ZCCHC7: variants seen among roughly 807,000 people sequenced by gnomAD.
ZCCHC7 encodes the protein zinc finger CCHC domain-containing protein 7.
A neutral mutation model predicts 52.0 loss-of-function variants in ZCCHC7; 35 were observed. That is an observed-to-expected ratio of 0.67 (90% CI 0.51 to 0.89). The LOEUF (loss-of-function observed/expected upper bound fraction) is 0.89. Among genes scored for constraint, ZCCHC7 ranks in the 40% least tolerant of loss-of-function variants. ZCCHC7 has a pLI of 0.00. For synonymous variants in ZCCHC7, 217 were observed against 221.5 expected (o/e 0.98, Z 0.18); for missense variants, 574 against 649.1 (o/e 0.88, Z 1.26).
At chr9:37,257,623 T>TA (rs1826652969) in intron 2 of ZCCHC7, among the ~76,000 whole-genome samples, 1 of 152,146 alleles carries the variant, frequency 6.6e-6, no homozygotes, top group African/African-American at 2.4e-5. Flanking sequence ...TATTTAATTT[T>TA]TTTTTTTTTA....
intron 6 of ZCCHC7, among the ~76,000 whole-genome samples, chr9:37,341,719 C>G (rs1389637479): frequency 6.6e-6 from 1 of 151,922 alleles, no homozygotes; most frequent in Non-Finnish European, 1.5e-5. Flanking sequence ...CTCAGGAAGG[C>G]CTTACTGAGA....
intron 2 of ZCCHC7, among the ~76,000 whole-genome samples, chr9:37,228,056 C>CA (rs1348289716): frequency 5.3e-5 from 8 of 152,192 alleles, no homozygotes; most frequent in Non-Finnish European, 7.4e-5. Flanking sequence ...GTCGGACTCT[C>CA]AAAGTGCTGG....
chr9:37,245,484 T>C (rs1826044191), intron 2 of ZCCHC7, among the ~76,000 whole-genome samples: 1 of 152,020 alleles, frequency 6.6e-6, no homozygotes, highest in Non-Finnish European at 1.5e-5. Flanking sequence ...CAACAAACTA[T>C]TGTTGAGCAC....
chr9:37,296,079 A>G (rs1053599684), intron 2 of ZCCHC7, among the ~76,000 whole-genome samples: 2 of 152,192 alleles, frequency 1.3e-5, no homozygotes, highest in African/African-American at 2.4e-5. Flanking sequence ...GGCATAAACC[A>G]CAATTACTTT....
intron 2 of ZCCHC7, among the ~76,000 whole-genome samples, chr9:37,272,753 CTTAATT>C (rs1827488051): frequency 6.6e-6 from 1 of 152,188 alleles, no homozygotes; most frequent in Non-Finnish European, 1.5e-5. Flanking sequence ...CATTTGCAGA[CTTAATT>C]AGCACTATTC....
chr9:37,127,617 C>T (rs1490856672), intron 2 of ZCCHC7, among the ~76,000 whole-genome samples: 1 of 152,188 alleles, frequency 6.6e-6, no homozygotes, highest in African/African-American at 2.4e-5. Flanking sequence ...TCATTTCCCT[C>T]CCTTTATGCC....
chr9:37,151,345 C>G (rs17486962), intron 2 of ZCCHC7, among the ~76,000 whole-genome samples: 21,773 of 152,086 alleles, frequency 0.14, 1,776 homozygotes, highest in Non-Finnish European at 0.17. Context: ...TGAGAGTAAA[C>G]CTTTTCTGTA....
chr9:37,196,028 C>G (rs925379846), intron 2 of ZCCHC7, among the ~76,000 whole-genome samples: 3 of 152,026 alleles, frequency 2.0e-5, no homozygotes, highest in Admixed American at 2.0e-4. Context: ...TTTGAATTTT[C>G]TGCATTTGAT....
chr9:37,254,837 C>CTTTTTTT (rs59489076), intron 2 of ZCCHC7, among the ~76,000 whole-genome samples: 41,195 of 93,084 alleles, frequency 0.44, 7,330 homozygotes, highest in South Asian at 0.55. Context: ...CAAAAAGTTT[C>CTTTTTTT]TTTTTTTTTT....
chr9:37,336,158 T>C (rs569274359), intron 6 of ZCCHC7, among the ~76,000 whole-genome samples: 1 of 152,248 alleles, frequency 6.6e-6, no homozygotes, highest in South Asian at 2.1e-4. Flanking sequence ...TTCACATGAT[T>C]AACACCAAAA....
chr9:37,130,895 A>G (rs1368026783), intron 2 of ZCCHC7, among the ~76,000 whole-genome samples: 2 of 152,158 alleles, frequency 1.3e-5, no homozygotes, highest in African/African-American at 2.4e-5. Context: ...TGAATTTGAG[A>G]TAATTCATAA....
At chr9:37,225,981 A>G (rs1825078836) in intron 2 of ZCCHC7, among the ~76,000 whole-genome samples, 1 of 152,258 alleles carries the variant, frequency 6.6e-6, no homozygotes, top group Admixed American at 6.5e-5. Context: ...CTGAAGGCAG[A>G]CGAAATGGAA....
intron 5 of ZCCHC7, among the ~76,000 whole-genome samples, chr9:37,321,436 G>T (rs1406617296): frequency 1.3e-5 from 2 of 151,926 alleles, no homozygotes; most frequent in Non-Finnish European, 2.9e-5. Context: ...GCCTATAATT[G>T]GTTTATAAGT....
At chr9:37,349,029 G>A (rs994617635) in intron 6 of ZCCHC7, among the ~76,000 whole-genome samples, 2 of 152,152 alleles carry the variant, frequency 1.3e-5, no homozygotes, top group Admixed American at 6.5e-5. Context: ...TACTGTCACT[G>A]TATTGACATT....
chr9:37,151,223 C>T (rs1588384743), intron 2 of ZCCHC7, among the ~76,000 whole-genome samples: 1 of 152,126 alleles, frequency 6.6e-6, no homozygotes, highest in South Asian at 2.1e-4. Flanking sequence ...GCCTCGGCCT[C>T]CCAAAGTGCT....
intron 1 of ZCCHC7, among the ~76,000 whole-genome samples, chr9:37,123,009 CTT>C (rs1842385088): frequency 6.6e-6 from 1 of 152,240 alleles, no homozygotes; most frequent in Non-Finnish European, 1.5e-5. Flanking sequence ...ATGTGAATCA[CTT>C]CTAGCCGTGT....
At chr9:37,289,312 G>C (rs944517740) in intron 2 of ZCCHC7, among the ~76,000 whole-genome samples, 7 of 151,962 alleles carry the variant, frequency 4.6e-5, no homozygotes, top group African/African-American at 1.7e-4. Context: ...ACCACACCTG[G>C]CTAATTTTTT....
chr9:37,166,586 C>T (rs1316317910), intron 2 of ZCCHC7, among the ~76,000 whole-genome samples: 1 of 151,314 alleles, frequency 6.6e-6, no homozygotes, highest in African/African-American at 2.4e-5. Context: ...TTAAAAATTA[C>T]ATTCTTTTTA....
rs549318161 is a variant in ZCCHC7, at chr9:37,180,701, T to A, written c.610+53759T>A. The stretch of plus-strand genomic sequence containing the variant: ...ATAAATTGCAAACTCTTATTTTAGT[T>A]GTAATGGGTTTTGGCCACATTGTGT... On this transcript the variant is annotated intron_variant, in intron 2 of 8. Coordinates refer to ENST00000336755, the MANE Select transcript of ZCCHC7 (RefSeq NM_032226.3). Among the ~76,000 whole-genome samples the A allele has an allele frequency of 3.3e-5, 5 of 152,296 alleles. No individual in the cohort carries two copies. In the South Asian group the frequency reaches 1.0e-3, roughly 32 times the overall value.
Sources: gnomAD v4.1 joint callset for allele counts (sites outside exome capture counted in the v4.1 genomes callset) on GRCh38, gnomAD v4.1.1 for gene constraint, MANE v1.5 for transcripts, NCBI Gene and HGNC (gene_info 2026-07-23, HGNC 2026-07-21) for gene names.